NEBL: variants seen among roughly 807,000 people sequenced by gnomAD.
NEBL encodes LIM and SH3 protein 2.
In NEBL, 122 loss-of-function variants were observed where a neutral mutation model predicts 140.2. That is an observed-to-expected ratio of 0.87 (90% CI 0.75 to 1.01). The LOEUF (loss-of-function observed/expected upper bound fraction) is 1.01. Ranked by LOEUF, NEBL falls within the 50% of genes least tolerant of loss-of-function variation. The probability of loss-of-function intolerance (pLI) is 0.00; values close to 1 mark genes in which losing one functional copy is unlikely to be tolerated. For missense variants in NEBL, 1,365 were observed against 1,231.3 expected (o/e 1.11, Z -1.62); for synonymous variants, 436 against 398.9 (o/e 1.09, Z -1.11).
rs550313469 is a variant in NEBL at position 21,118,691 on chromosome 10, T to C, written c.164+53692A>G. The stretch of plus-strand genomic sequence containing the variant: ...TTTAGATATGCCATGGGCAGAACTA[T>C]ATTAATCTCAGTGAAACAGAGTCAG... On this transcript the variant is annotated intron_variant, in intron 2 of 6. Coordinates refer to the NEBL transcript ENST00000417816. 9.8e-5 allele frequency among the ~76,000 whole-genome samples: 15 copies of C among 152,322 alleles called. No individual in the cohort carries two copies. In the Middle Eastern group the frequency reaches 0.014, roughly 138 times the overall value.
chr10:20,930,816 C>T (rs546145867), intron 4 of NEBL, among the ~76,000 whole-genome samples: 10 of 152,334 alleles, frequency 6.6e-5, no homozygotes, highest in African/African-American at 2.4e-4. Context: ...GGACCCAAAT[C>T]CCATACCATA....
intron 2 of NEBL, among the ~76,000 whole-genome samples, chr10:21,036,042 A>G (rs1381773191): frequency 6.6e-6 from 1 of 152,102 alleles, no homozygotes; most frequent in African/African-American, 2.4e-5. Context: ...GCGCACCTGT[A>G]ATCCCAGCTA....
At chr10:20,957,841 C>G (rs1327629969) in intron 4 of NEBL, among the ~76,000 whole-genome samples, 8 of 151,658 alleles carry the variant, frequency 5.3e-5, no homozygotes. Flanking sequence ...AAATAAACAT[C>G]CAGTTTTCAT....
intron 3 of NEBL, among the ~76,000 whole-genome samples, chr10:20,981,414 C>T (rs58937756): frequency 9.2e-6 from 1 of 109,088 alleles, no homozygotes; most frequent in South Asian, 2.6e-4. Flanking sequence ...ATAAAAAAAA[C>T]ACACACAAAA....
chr10:20,983,449 T>C (rs997874220), intron 3 of NEBL, among the ~76,000 whole-genome samples: 43 of 152,218 alleles, frequency 2.8e-4, no homozygotes, highest in African/African-American at 8.9e-4. Context: ...AAGGGAGTTT[T>C]CTGATTAATC....
At chr10:21,029,142 A>C in intron 2 of NEBL, 1 of 1,311,628 alleles carries the variant, frequency 7.6e-7, no homozygotes, top group Non-Finnish European at 1.1e-6. Flanking sequence ...ATGACCTGGA[A>C]GGAGATGTTT....
chr10:20,956,213 T>G (rs1278436069), intron 4 of NEBL, among the ~76,000 whole-genome samples: 1 of 152,202 alleles, frequency 6.6e-6, no homozygotes, highest in Non-Finnish European at 1.5e-5. Context: ...ATTTCTCACA[T>G]GAAAGTATAA....
intron 1 of NEBL, among the ~76,000 whole-genome samples, chr10:21,279,485 G>A (rs1257450714): frequency 1.3e-5 from 2 of 151,710 alleles, no homozygotes; most frequent in African/African-American, 2.4e-5. Flanking sequence ...TAAAAATATA[G>A]GCCAGGCACA....
intron 2 of NEBL, among the ~76,000 whole-genome samples, chr10:21,155,715 A>C (rs1840312681): frequency 6.6e-6 from 1 of 152,214 alleles, no homozygotes; most frequent in Non-Finnish European, 1.5e-5. Flanking sequence ...AGACCAGAAG[A>C]GTGAAATAGG....
chr10:20,994,144 C>A (rs1451623361), intron 3 of NEBL, among the ~76,000 whole-genome samples: 8 of 152,334 alleles, frequency 5.3e-5, no homozygotes, highest in Non-Finnish European at 8.8e-5. Flanking sequence ...TTCAGTTCAG[C>A]CAGCTAAATC....
chr10:20,913,703 T>G (rs1848423811), intron 4 of NEBL, among the ~76,000 whole-genome samples: 1 of 152,184 alleles, frequency 6.6e-6, no homozygotes, highest in South Asian at 2.1e-4. Context: ...CATATTAATT[T>G]TATTATATTA....
chr10:21,073,477 C>G (rs776831764), intron 2 of NEBL, among the ~76,000 whole-genome samples: 2 of 151,768 alleles, frequency 1.3e-5, no homozygotes, highest in African/African-American at 2.4e-5. Flanking sequence ...ATTAGGCAGG[C>G]TTGGTGGCAC....
intron 5 of NEBL, among the ~76,000 whole-genome samples, chr10:20,871,503 CT>C (rs1332091220): frequency 3.3e-5 from 5 of 152,124 alleles, no homozygotes; most frequent in Non-Finnish European, 7.4e-5. Context: ...AACAGGCTCC[CT>C]GTGCGTTATG....
At chr10:20,891,680 T>TA (rs1847049634) in intron 2 of NEBL, among the ~76,000 whole-genome samples, 1 of 152,192 alleles carries the variant, frequency 6.6e-6, no homozygotes, top group Admixed American at 6.5e-5. Context: ...TTGTAGACTC[T>TA]ATTTTTTTTT....
chr10:20,859,748 TA>T lies in NEBL; in HGVS notation c.762del (p.Phe254LeufsTer14). The part of the protein sequence containing the change: ...HHYNPLESAS[F>X]RQNQLAATLA... ...AGTGTAGCAGCAAGCTGATTCTGCC[TA>T]AAAGAAGCACTTTCAAGAGGATTGT... On this transcript the variant is annotated frameshift_variant, in exon 8 of 28. Transcript: ENST00000377122. LOFTEE classifies it high-confidence loss of function. The T allele has an allele frequency of 6.2e-7, 1 of 1,603,720 alleles. No individual in the cohort carries two copies. Among genetic ancestry groups the T allele is most frequent in the Non-Finnish European group, 8.5e-7 (1 of 1,171,400 alleles).
intron 2 of NEBL, among the ~76,000 whole-genome samples, chr10:21,145,522 T>C (rs1304052882): frequency 6.6e-6 from 1 of 152,252 alleles, no homozygotes; most frequent in Non-Finnish European, 1.5e-5. Flanking sequence ...GGTAAGTATC[T>C]GTTGAATAAA....
At chr10:20,823,601 T>C (rs1343159849) in intron 18 of NEBL, among the ~76,000 whole-genome samples, 1 of 152,134 alleles carries the variant, frequency 6.6e-6, no homozygotes, top group African/African-American at 2.4e-5. Flanking sequence ...AAAAACCTTG[T>C]ACATTATCGT....
At chr10:21,091,786 A>G (rs1022945545) in intron 2 of NEBL, among the ~76,000 whole-genome samples, 1 of 152,056 alleles carries the variant, frequency 6.6e-6, no homozygotes, top group Non-Finnish European at 1.5e-5. Context: ...CAACTACACA[A>G]GGCAAATTTT....
chr10:20,947,138 ATGAC>A (rs1487071792), intron 4 of NEBL, among the ~76,000 whole-genome samples: 2 of 152,218 alleles, frequency 1.3e-5, no homozygotes, highest in Non-Finnish European at 2.9e-5. Flanking sequence ...CTGTTTCTGA[ATGAC>A]TGGGAATTTC....
Sources: gnomAD v4.1 joint callset for allele counts (sites outside exome capture counted in the v4.1 genomes callset) on GRCh38, gnomAD v4.1.1 for gene constraint, MANE v1.5 for transcripts, NCBI Gene and HGNC (gene_info 2026-07-23, HGNC 2026-07-21) for gene names.